Variants in DDHD1 observed in about 807,000 individuals in gnomAD.
The protein encoded by DDHD1 is DDHD domain containing 1, also known as phospholipase DDHD1.
A neutral mutation model predicts 96.4 loss-of-function variants in DDHD1; 49 were observed. The ratio of observed to expected loss-of-function variants is 0.51; its 90% CI spans 0.40 to 0.64. The LOEUF (loss-of-function observed/expected upper bound fraction) is 0.64. DDHD1 is among the 30% of genes least tolerant of loss of function. The pLI, the probability that DDHD1 is intolerant of heterozygous loss-of-function variation, is 0.00. For missense variants in DDHD1, 1,106 were observed against 1,161.2 expected (o/e 0.95, Z 0.69); for synonymous variants, 442 against 446.5 (o/e 0.99, Z 0.13).
At chr14:53,056,021 A>C (rs1350635310) in intron 9 of DDHD1, 109 bp from the exon 10 acceptor site, 3 of 900,702 alleles carry the variant, frequency 3.3e-6, no homozygotes, top group Non-Finnish European at 5.0e-6. Context: ...CCGAGAAGGA[A>C]TTTAATTAAA....
chr14:53,113,350 T>C (rs1034784071), intron 1 of DDHD1, among the ~76,000 whole-genome samples: 1 of 142,564 alleles, frequency 7.0e-6, no homozygotes, highest in Non-Finnish European at 1.5e-5. Flanking sequence ...TTTCTTTTTC[T>C]TTTTTTTTTC....
At chr14:53,146,610 T>C (rs574752260) in intron 1 of DDHD1, among the ~76,000 whole-genome samples, 47 of 152,358 alleles carry the variant, frequency 3.1e-4, no homozygotes, top group Admixed American at 1.2e-3. Flanking sequence ...ATTTTGCTAC[T>C]GTTTTTCTTC....
At position 53,067,946 on chromosome 14, in the gene DDHD1, A is replaced by G. The variant is rs373990092; in HGVS notation, c.1503+4651T>C. Among the ~76,000 whole-genome samples the G allele has an allele frequency of 2.0e-5, 3 of 152,218 alleles. No homozygotes were observed. The East Asian group carries it at 5.8e-4, about 29-fold the overall frequency. On this transcript the variant is annotated intron_variant, in intron 6 of 12. Coordinates refer to ENST00000673822, the MANE Select transcript of DDHD1 (RefSeq NM_001160148.2). ...CCTTTTTTGGGAATCATTTGAGGAT[A>G]TATTATATATGTCATGATCTTTTAC...
chr14:53,132,768 G>C (rs749179324), intron 1 of DDHD1, among the ~76,000 whole-genome samples: 1 of 152,168 alleles, frequency 6.6e-6, no homozygotes. Flanking sequence ...TCAAAAGGAA[G>C]CTGGAATCAT....
intron 1 of DDHD1, among the ~76,000 whole-genome samples, chr14:53,118,940 G>C (rs1017847695): frequency 8.5e-5 from 13 of 152,166 alleles, no homozygotes; most frequent in African/African-American, 1.2e-4. Context: ...ACAAAGGAAA[G>C]CCCATCAGAC....
intron 3 of DDHD1, 131 bp downstream of exon 3, chr14:53,093,185 A>C (rs1422491269): frequency 1.1e-6 from 1 of 888,546 alleles, no homozygotes; most frequent in African/African-American, 1.8e-5. Context: ...GTTTCATTTA[A>C]AAAGGAATCT....
intron 5 of DDHD1, 60 bp downstream of exon 5, chr14:53,073,681 G>T: frequency 7.1e-7 from 1 of 1,413,962 alleles, no homozygotes; most frequent in Non-Finnish European, 9.7e-7. Context: ...AAAACTTTCT[G>T]CATTTATTTT....
At chr14:53,149,763 G>C (rs1330958350) in intron 1 of DDHD1, 1 of 152,174 alleles carries the variant, frequency 6.6e-6, no homozygotes, top group African/African-American at 2.4e-5. Flanking sequence ...AAGAAGGTTG[G>C]AGAAAGGGAA....
intron 12 of DDHD1, among the ~76,000 whole-genome samples, chr14:53,047,757 T>C (rs951896510): frequency 2.6e-5 from 4 of 152,156 alleles, no homozygotes; most frequent in African/African-American, 7.2e-5. Context: ...AAAATCACCT[T>C]AACAAATCAA....
At chr14:53,141,025 C>G (rs563175391) in intron 1 of DDHD1, among the ~76,000 whole-genome samples, 1 of 152,276 alleles carries the variant, frequency 6.6e-6, no homozygotes, top group African/African-American at 2.4e-5. Flanking sequence ...TGTAATAATC[C>G]TAAATGTATA....
chr14:53,140,529 T>C (rs1360726265), intron 1 of DDHD1, among the ~76,000 whole-genome samples: 13 of 151,992 alleles, frequency 8.6e-5, no homozygotes, highest in Non-Finnish European at 5.9e-5. Flanking sequence ...AGACTCTGTC[T>C]CAAAAAATAA....
At chr14:53,122,418 C>T (rs918881484) in intron 1 of DDHD1, among the ~76,000 whole-genome samples, 15 of 152,184 alleles carry the variant, frequency 9.9e-5, no homozygotes, top group Non-Finnish European at 1.8e-4. Flanking sequence ...TTTGTGACCA[C>T]TGCCACACTC....
At position 53,044,023 on chromosome 14, in the gene DDHD1, C is replaced by T. The variant is rs140035321; in HGVS notation, c.*2745G>A. 1.3e-5 allele frequency: 2 copies of T among 152,172 alleles called. No homozygotes were observed. Among genetic ancestry groups the T allele is most frequent in the African/African-American group, 4.8e-5 (2 of 41,524 alleles). 9.4% of individuals were successfully genotyped at this position (152,172 alleles called of 1,614,324 possible). On this transcript the variant is annotated 3_prime_UTR_variant, in exon 13 of 13. Transcript: ENST00000673822. ...AAAACTTTTTTTGGCCGATTTAGTA[C>T]TTGCTGGAATAAAGTTGCAAAATGT... is the stretch of plus-strand genomic sequence containing the variant.
intron 1 of DDHD1, among the ~76,000 whole-genome samples, chr14:53,141,887 C>T (rs1890664999): frequency 6.6e-6 from 1 of 151,952 alleles, no homozygotes; most frequent in Admixed American, 6.6e-5. Flanking sequence ...CAAAGCTTTC[C>T]ACCCTTCCCC....
At chr14:53,117,499 C>A (rs112480139) in intron 1 of DDHD1, among the ~76,000 whole-genome samples, 320 of 152,340 alleles carry the variant, frequency 2.1e-3, no homozygotes, top group African/African-American at 7.5e-3. Context: ...ACCCTCCTGT[C>A]ACTGGTTTGG....
At chr14:53,118,094 C>T (rs1888688873) in intron 1 of DDHD1, among the ~76,000 whole-genome samples, 1 of 152,146 alleles carries the variant, frequency 6.6e-6, no homozygotes, top group Non-Finnish European at 1.5e-5. Flanking sequence ...GGAAAATTAA[C>T]AAACAGAAAG....
chr14:53,121,848 G>A (rs1203270883), intron 1 of DDHD1, among the ~76,000 whole-genome samples: 2 of 151,224 alleles, frequency 1.3e-5, no homozygotes, highest in African/African-American at 4.9e-5. Flanking sequence ...GGGTTGATAG[G>A]TGCAACAAAC....
chr14:53,059,235 T>C (rs1000167222), intron 8 of DDHD1, among the ~76,000 whole-genome samples: 2 of 152,054 alleles, frequency 1.3e-5, no homozygotes, highest in African/African-American at 4.8e-5. Context: ...ACTTGGTTTA[T>C]TTTATTTCAT....
chr14:53,118,830 C>T (rs563753642), intron 1 of DDHD1, among the ~76,000 whole-genome samples: 104 of 152,182 alleles, frequency 6.8e-4, no homozygotes, highest in African/African-American at 2.5e-3. Flanking sequence ...AGATCCTCTT[C>T]GAGAAGAGCA....
Sources: gnomAD v4.1 joint callset for allele counts (sites outside exome capture counted in the v4.1 genomes callset) on GRCh38, gnomAD v4.1.1 for gene constraint, MANE v1.5 for transcripts, NCBI Gene and HGNC (gene_info 2026-07-23, HGNC 2026-07-21) for gene names.